Variants in ATXN1 observed in about 807,000 individuals in gnomAD.
The protein encoded by ATXN1 is ataxin 1.
Under a neutral mutation model 56.4 loss-of-function variants are expected in ATXN1, and 8 were observed. That is an observed-to-expected ratio of 0.14 (90% CI 0.08 to 0.26). ATXN1 has a LOEUF of 0.26. ATXN1 is among the 10% of genes least tolerant of loss of function. The pLI is 1.00. For synonymous variants in ATXN1, 514 were observed against 494.6 expected, an observed-to-expected ratio of 1.04 and a Z score of -0.52; for missense variants, 987 against 1,106.5, an observed-to-expected ratio of 0.89 and a Z score of 1.53.
chr6:16,732,012 A>G (rs1759999612), intron 2 of ATXN1, among the ~76,000 whole-genome samples: 1 of 152,184 alleles, frequency 6.6e-6, no homozygotes, highest in South Asian at 2.1e-4. Context: ...TAAACCGGCA[A>G]CACTCATGCT....
intron 4 of ATXN1, among the ~76,000 whole-genome samples, chr6:16,574,349 G>A (rs2113753638): frequency 6.6e-6 from 1 of 152,334 alleles, no homozygotes; most frequent in African/African-American, 2.4e-5. Context: ...GGGATTACAG[G>A]CATGCGCCAC....
In ATXN1 at chr6:16,614,679, T is replaced by G. The variant is rs796994137; in HGVS notation, c.-488-28772A>C. 5.3e-5 allele frequency among the ~76,000 whole-genome samples: 8 copies of G among 151,758 alleles called. No individual in the cohort carries two copies. The South Asian group carries it at 1.0e-3, about 20-fold the overall frequency. On this transcript the variant is annotated intron_variant, in intron 3 of 7. Coordinates refer to ENST00000436367, the MANE Select transcript of ATXN1 (RefSeq NM_001128164.2). ...GGCTCATGCCTGTAACCCCAGCACT[T>G]TGGGAGGCTGAAGCGGGTGGATCAC...
intron 5 of ATXN1, among the ~76,000 whole-genome samples, chr6:16,494,657 T>C (rs1168697791): frequency 1.3e-5 from 2 of 152,210 alleles, no homozygotes; most frequent in East Asian, 3.8e-4. Context: ...AATATAATTA[T>C]ACATTGGAGA....
chr6:16,443,596 C>A (rs57119969), intron 6 of ATXN1, among the ~76,000 whole-genome samples: 7,551 of 152,164 alleles, frequency 0.05, 684 homozygotes, highest in East Asian at 0.45. Flanking sequence ...ATAAAAAAAA[C>A]CTTAAACATT....
chr6:16,482,239 A>G (rs1347460345), intron 6 of ATXN1, among the ~76,000 whole-genome samples: 1 of 152,286 alleles, frequency 6.6e-6, no homozygotes, highest in East Asian at 1.9e-4. Flanking sequence ...CATTCACTCA[A>G]TGAATATTTA....
At chr6:16,750,278 T>C (rs947369529) in intron 2 of ATXN1, among the ~76,000 whole-genome samples, 2 of 152,234 alleles carry the variant, frequency 1.3e-5, no homozygotes, top group African/African-American at 4.8e-5. Flanking sequence ...CACAGCACCA[T>C]GCAGTAGTTT....
At chr6:16,672,692 C>A (rs1758570328) in intron 2 of ATXN1, among the ~76,000 whole-genome samples, 1 of 152,048 alleles carries the variant, frequency 6.6e-6, no homozygotes, top group Non-Finnish European at 1.5e-5. Flanking sequence ...GGGGAAGGGG[C>A]CAGGAGCCAA....
At chr6:16,660,577 C>T (rs1758297199) in intron 2 of ATXN1, among the ~76,000 whole-genome samples, 1 of 152,064 alleles carries the variant, frequency 6.6e-6, no homozygotes, top group Admixed American at 6.6e-5. Flanking sequence ...AAATTAGTTC[C>T]TAATCTATCA....
intron 3 of ATXN1, among the ~76,000 whole-genome samples, chr6:16,604,591 T>C (rs1581877654): frequency 6.7e-6 from 1 of 149,384 alleles, no homozygotes. Flanking sequence ...TTCTCTTCTT[T>C]TTTTTTTTTT....
intron 6 of ATXN1, among the ~76,000 whole-genome samples, chr6:16,332,255 G>A (rs1309205519): frequency 6.6e-6 from 1 of 152,194 alleles, no homozygotes; most frequent in Non-Finnish European, 1.5e-5. Context: ...CCCACGGGTA[G>A]AGATTGGGTC....
At chr6:16,405,645 G>A (rs765040602) in intron 6 of ATXN1, among the ~76,000 whole-genome samples, 4 of 152,164 alleles carry the variant, frequency 2.6e-5, no homozygotes, top group South Asian at 4.1e-4. Context: ...GCACTCTGGC[G>A]GCCGAAGCAT....
intron 6 of ATXN1, among the ~76,000 whole-genome samples, chr6:16,373,245 A>C (rs1184498262): frequency 6.6e-6 from 1 of 152,224 alleles, no homozygotes; most frequent in Admixed American, 6.5e-5. Context: ...TCTCCGTATA[A>C]ACGTCCTGGC....
intron 4 of ATXN1, among the ~76,000 whole-genome samples, chr6:16,565,090 T>C (rs1171416527): frequency 6.6e-6 from 1 of 152,230 alleles, no homozygotes; most frequent in Non-Finnish European, 1.5e-5. Context: ...AAATCTTAGC[T>C]CCTGCATTCT....
rs927250773 is a variant in ATXN1 at position 16,619,127 on chromosome 6, C to CT, written c.-488-33221dup. 8.8e-5 allele frequency among the ~76,000 whole-genome samples: 13 copies of CT among 148,400 alleles called. No homozygotes were observed. In the East Asian group the frequency reaches 1.8e-3, roughly 20 times the overall value. On this transcript the variant is annotated intron_variant, in intron 3 of 7. Coordinates refer to ENST00000436367, the MANE Select transcript of ATXN1 (RefSeq NM_001128164.2). ...AAATTGGCAGAGTTTTTGTTTGTTT[C>CT]TTTTTTTTTTAATTACAGTACTTAG...
intron 3 of ATXN1, among the ~76,000 whole-genome samples, chr6:16,633,017 G>T (rs1167909702): frequency 1.3e-5 from 2 of 150,974 alleles, no homozygotes; most frequent in Admixed American, 1.3e-4. Flanking sequence ...AAAAAGAAAA[G>T]AAAGAAATGA....
chr6:16,405,722 T>C (rs930113599), intron 6 of ATXN1, among the ~76,000 whole-genome samples: 9 of 152,186 alleles, frequency 5.9e-5, no homozygotes, highest in African/African-American at 2.2e-4. Flanking sequence ...TTGACTCTTA[T>C]CATAGACTGC....
intron 6 of ATXN1, among the ~76,000 whole-genome samples, chr6:16,420,169 C>G (rs1324433120): frequency 6.6e-6 from 1 of 152,158 alleles, no homozygotes; most frequent in Non-Finnish European, 1.5e-5. Flanking sequence ...GAAAGGAAAT[C>G]ACCATAGCAC....
At chr6:16,691,321 A>C (rs1163782696) in intron 2 of ATXN1, among the ~76,000 whole-genome samples, 1 of 152,228 alleles carries the variant, frequency 6.6e-6, no homozygotes, top group African/African-American at 2.4e-5. Context: ...GCTAAGTAAA[A>C]TTTACTGAAA....
intron 3 of ATXN1, among the ~76,000 whole-genome samples, chr6:16,654,567 G>A (rs12526924): frequency 0.023 from 708 of 30,230 alleles, 6 homozygotes; most frequent in African/African-American, 0.15. Context: ...AAAAAAAAAA[G>A]AGAGAGAGAG....
Sources: gnomAD v4.1 joint callset for allele counts (sites outside exome capture counted in the v4.1 genomes callset) on GRCh38, gnomAD v4.1.1 for gene constraint, MANE v1.5 for transcripts, NCBI Gene and HGNC (gene_info 2026-07-23, HGNC 2026-07-21) for gene names.